PIBF1: variants seen among roughly 807,000 people sequenced by gnomAD.
PIBF1 encodes the protein progesterone-induced-blocking factor 1.
PIBF1 carries 90 observed loss-of-function variants against 112.5 expected under a neutral mutation model. The observed-to-expected ratio is 0.80, with a 90% confidence interval of 0.67 to 0.95. The LOEUF (loss-of-function observed/expected upper bound fraction) is 0.95. PIBF1 is among the 40% of genes least tolerant of loss of function. The probability of loss-of-function intolerance (pLI) is 0.00; values close to 1 mark genes in which losing one functional copy is unlikely to be tolerated. For missense variants in PIBF1, 915 were observed against 852.3 expected, an observed-to-expected ratio of 1.07 and a Z score of -0.92; for synonymous variants, 301 against 288.6, an observed-to-expected ratio of 1.04 and a Z score of -0.44.
intron 10 of PIBF1, among the ~76,000 whole-genome samples, chr13:72,862,419 C>T (rs1163205185): frequency 1.3e-5 from 2 of 152,124 alleles, no homozygotes; most frequent in Non-Finnish European, 2.9e-5. Flanking sequence ...GCCTAGGTGA[C>T]ATAGTGGGAT....
chr13:72,931,047 T>G, intron 13 of PIBF1, 118 bp from the exon 14 acceptor site: 1 of 639,784 alleles, frequency 1.6e-6, no homozygotes, highest in East Asian at 2.8e-5. Flanking sequence ...ATATTTTTTC[T>G]GTTAATATTT....
chr13:72,982,644 T>TAGCAGATAATAAGTACTCATTC (rs1462544432), intron 16 of PIBF1, among the ~76,000 whole-genome samples: 17 of 152,184 alleles, frequency 1.1e-4, no homozygotes, highest in African/African-American at 4.1e-4. Context: ...GCACAATATT[T>TAGCAGATAATAAGTACTCATTC]AGCAGATAAT....
chr13:72,893,816 A>G lies in PIBF1; in HGVS notation c.1355A>G (p.Lys452Arg). Residue 452 changes from lysine (K) to arginine (R), a missense_variant, in exon 11 of 18, where the codon AAA becomes AGA. Physicochemically the swap from Lys to Arg is conservative, Grantham distance 26 (BLOSUM62 2). Coordinates refer to ENST00000326291, the MANE Select transcript of PIBF1 (RefSeq NM_006346.4). Reference protein sequence around the residue: ...YRELQLSTESKVTEFLHQSKL... With the variant: ...YRELQLSTESRVTEFLHQSKL... ...GAACTACAACTTAGTACAGAAAGCA[A>G]AGTAACAGAATTTCTCCATCAAAGT... 1 of 1,604,604 alleles carries G rather than the reference A, an allele frequency of 6.2e-7. No homozygotes were observed. Among genetic ancestry groups the G allele is most frequent in the African/African-American group, 1.3e-5 (1 of 74,504 alleles).
At chr13:72,868,848 AAAAG>A (rs1231196211) in intron 10 of PIBF1, among the ~76,000 whole-genome samples, 1 of 151,698 alleles carries the variant, frequency 6.6e-6, no homozygotes, top group African/African-American at 2.4e-5. Context: ...AAAAAAAAAA[AAAAG>A]ATGAAACTAC....
chr13:72,893,854 T>C lies in PIBF1; in HGVS notation c.1393T>C (p.Phe465Leu). The C allele has an allele frequency of 1.9e-6, 3 of 1,606,410 alleles. No individual in the cohort carries two copies. Among genetic ancestry groups the C allele is most frequent in the Non-Finnish European group, 2.6e-6 (3 of 1,175,876 alleles). Residue 465 changes from phenylalanine (F) to leucine (L), a missense_variant, in exon 11 of 18, where the codon TTT becomes CTT. Physicochemically the swap from Phe to Leu is conservative, Grantham distance 22 (BLOSUM62 0). Transcript: ENST00000326291. Reference sequence around the variant, plus strand: ...TCTCCATCAAAGTAAATTAAAATCTTTTGAAAGTGAGCGTGTTCAACTTCT... The same window carrying C: ...TCTCCATCAAAGTAAATTAAAATCTCTTGAAAGTGAGCGTGTTCAACTTCT... ...EFLHQSKLKS[F>L]ESERVQLLQE...
intron 13 of PIBF1, among the ~76,000 whole-genome samples, chr13:72,929,372 A>C (rs2041633571): frequency 1.3e-5 from 2 of 151,922 alleles, no homozygotes; most frequent in South Asian, 4.1e-4. Context: ...TTTTATTGGG[A>C]AATGAAGAAC....
chr13:72,915,520 T>C (rs78843943), intron 12 of PIBF1, among the ~76,000 whole-genome samples: 3,395 of 152,300 alleles, frequency 0.022, 53 homozygotes, highest in Non-Finnish European at 0.034. Flanking sequence ...ATATCTAACT[T>C]ATGGGTTTTT....
Position 72,822,272 on chromosome 13 carries a change from G to A in PIBF1, c.806+290G>A, listed in dbSNP as rs554333527. On this transcript the variant is annotated intron_variant, in intron 6 of 17. Transcript: ENST00000326291. ...GTTATTTGATGATTATTTTTATGTA[G>A]TGGAATCAATTTAAATACTTAACAG... Among the ~76,000 whole-genome samples, 95 of 151,884 alleles carry A rather than the reference G, an allele frequency of 6.3e-4. No homozygotes were observed. The Middle Eastern group carries it at 0.01, about 16-fold the overall frequency.
rs1242714477 is a variant in PIBF1 at position 72,807,403 on chromosome 13, C to T, written c.672+9377C>T. Among the ~76,000 whole-genome samples, 3 of 151,980 alleles carry T rather than the reference C, an allele frequency of 2.0e-5. No individual in the cohort carries two copies. In the East Asian group the frequency reaches 5.8e-4, roughly 29 times the overall value. On this transcript the variant is annotated intron_variant, in intron 5 of 17. Transcript: ENST00000326291. ...CAGCCTGGTTAATATGGCAAAACTCCGTCTCTATTAAAAATACATAAATTA... is the reference window on the plus strand; with the variant it reads ...CAGCCTGGTTAATATGGCAAAACTCTGTCTCTATTAAAAATACATAAATTA...
At chr13:72,807,481 A>G (rs958254138) in intron 5 of PIBF1, among the ~76,000 whole-genome samples, 2 of 152,232 alleles carry the variant, frequency 1.3e-5, no homozygotes, top group African/African-American at 4.8e-5. Flanking sequence ...AGGCTGAGGC[A>G]GGAGAATCGC....
chr13:72,958,866 A>T (rs950856144), intron 14 of PIBF1, among the ~76,000 whole-genome samples: 1 of 152,162 alleles, frequency 6.6e-6, no homozygotes, highest in Non-Finnish European at 1.5e-5. Flanking sequence ...CAAGTCCAAG[A>T]TCACTAGGAC....
chr13:72,812,272 A>T (rs536949424), intron 5 of PIBF1, among the ~76,000 whole-genome samples: 1 of 152,242 alleles, frequency 6.6e-6, no homozygotes, highest in South Asian at 2.1e-4. Context: ...GATAATTTTT[A>T]ACTTTATGAT....
chr13:72,871,177 C>T (rs1421253535), intron 10 of PIBF1, among the ~76,000 whole-genome samples: 1 of 152,070 alleles, frequency 6.6e-6, no homozygotes, highest in Non-Finnish European at 1.5e-5. Flanking sequence ...ATTTTTCCAC[C>T]TGTTCTCTAT....
At chr13:72,973,565 T>C in intron 15 of PIBF1, 26 bp from the exon 16 acceptor site, 1 of 1,287,944 alleles carries the variant, frequency 7.8e-7, no homozygotes, top group African/African-American at 1.5e-5. Context: ...ATAATGACTT[T>C]TTAAAACTGG....
Position 72,943,273 on chromosome 13 carries a change from G to A in PIBF1, c.1833+12006G>A, listed in dbSNP as rs576486996. On this transcript the variant is annotated intron_variant, in intron 14 of 17. Transcript: ENST00000326291. ...ACATAAAGTTAGATAGAAGGAATGAGTTGTAGTGTTTAATTGCACAATAGG... is the reference window on the plus strand; with the variant it reads ...ACATAAAGTTAGATAGAAGGAATGAATTGTAGTGTTTAATTGCACAATAGG... Among the ~76,000 whole-genome samples, 11 of 152,244 alleles carry A rather than the reference G, an allele frequency of 7.2e-5. No individual in the cohort carries two copies. In the South Asian group the frequency reaches 2.3e-3, roughly 32 times the overall value.
At chr13:72,889,378 G>A (rs2039974267) in intron 10 of PIBF1, among the ~76,000 whole-genome samples, 1 of 152,082 alleles carries the variant, frequency 6.6e-6, no homozygotes, top group Non-Finnish European at 1.5e-5. Context: ...CCACTTGCTT[G>A]TGGAGTTTAA....
chr13:72,976,961 A>G (rs1255821660), intron 16 of PIBF1, among the ~76,000 whole-genome samples: 1 of 152,178 alleles, frequency 6.6e-6, no homozygotes, highest in Non-Finnish European at 1.5e-5. Flanking sequence ...CAGAGTGGGC[A>G]AAGAACATGG....
At chr13:72,890,522 T>C (rs2138551561) in intron 10 of PIBF1, among the ~76,000 whole-genome samples, 1 of 152,124 alleles carries the variant, frequency 6.6e-6, no homozygotes. Context: ...CGGTTACAAA[T>C]GTAGCATAAG....
intron 5 of PIBF1, among the ~76,000 whole-genome samples, chr13:72,811,860 G>T (rs1178424685): frequency 6.6e-6 from 1 of 152,114 alleles, no homozygotes; most frequent in Non-Finnish European, 1.5e-5. Flanking sequence ...AAAAATTCAT[G>T]GGAAAGCTAA....
Sources: allele counts gnomAD v4.1 joint callset (sites outside exome capture counted in the v4.1 genomes callset), GRCh38; gene constraint gnomAD v4.1.1; transcripts MANE v1.5; gene names NCBI Gene and HGNC (gene_info 2026-07-23, HGNC 2026-07-21).